Variants in ABI3BP observed in about 807,000 individuals in gnomAD.
The protein encoded by ABI3BP is ABI family member 3 binding protein, also known as target of Nesh-SH3.
ABI3BP carries 216 observed loss-of-function variants against 268.6 expected under a neutral mutation model. That is an observed-to-expected ratio of 0.80 (90% CI 0.72 to 0.90). The LOEUF is 0.90. Among genes scored for constraint, ABI3BP ranks in the 40% least tolerant of loss-of-function variants. ABI3BP has a pLI of 0.00. For synonymous variants in ABI3BP, 730 were observed against 730.0 expected, an observed-to-expected ratio of 1.00 and a Z score of 0.00; for missense variants, 2,090 against 2,182.4, an observed-to-expected ratio of 0.96 and a Z score of 0.84.
At chr3:100,926,250 C>G (rs918755655) in intron 2 of ABI3BP, 52 bp downstream of exon 2, 17 of 1,571,476 alleles carry the variant, frequency 1.1e-5, no homozygotes, top group South Asian at 5.7e-5. Flanking sequence ...CATGTTACAC[C>G]CCCCCACCTC....
At chr3:100,888,081 C>T (rs1037814663) in intron 4 of ABI3BP, among the ~76,000 whole-genome samples, 2 of 152,008 alleles carry the variant, frequency 1.3e-5, no homozygotes, top group African/African-American at 4.8e-5. Context: ...AGCCTACTTT[C>T]TTACTAGGCA....
intron 1 of ABI3BP, among the ~76,000 whole-genome samples, chr3:100,959,149 G>C (rs565047231): frequency 5.6e-4 from 85 of 152,276 alleles, no homozygotes; most frequent in African/African-American, 2.0e-3. Context: ...ACCTTCCACA[G>C]AGAGTGAGAA....
chr3:100,820,205 G>A lies in ABI3BP; in HGVS notation c.3031+15C>T. ...CAGCTAGGATGAGCTACTTTAACCA[G>A]AAACCCAAATTTACCCAGTTTGGTT... is the stretch of plus-strand genomic sequence containing the variant. On this transcript the variant is annotated intron_variant, in intron 40 of 67. Coordinates refer to ENST00000471714, the MANE Select transcript of ABI3BP (RefSeq NM_001375547.2). 2 of 1,533,656 alleles carry A rather than the reference G, an allele frequency of 1.3e-6. No homozygotes were observed. Among genetic ancestry groups the A allele is most frequent in the African/African-American group, 1.4e-5 (1 of 73,068 alleles).
chr3:100,833,040 T>C (rs1324013529), intron 30 of ABI3BP, 85 bp downstream of exon 30: 2 of 1,152,158 alleles, frequency 1.7e-6, no homozygotes, highest in Non-Finnish European at 2.4e-6. Context: ...CAACAAAAGA[T>C]GGTACAATAG....
rs570948827 is a variant in ABI3BP, at chr3:100,764,455, C to G, written c.4850+1386G>C. ...AATGCAAATGCAAACCTTTTACAAA[C>G]AAATTGGGTTTAAAATGATACTGAA... is the stretch of plus-strand genomic sequence containing the variant. On this transcript the variant is annotated intron_variant, in intron 63 of 67. Transcript: ENST00000471714. Among the ~76,000 whole-genome samples the G allele has an allele frequency of 1.4e-4, 21 of 152,260 alleles. No homozygotes were observed. In the South Asian group the frequency reaches 3.7e-3, roughly 27 times the overall value.
chr3:100,902,151 A>G (rs916947627), intron 3 of ABI3BP, among the ~76,000 whole-genome samples: 1 of 152,218 alleles, frequency 6.6e-6, no homozygotes, highest in African/African-American at 2.4e-5. Flanking sequence ...TACATGAATT[A>G]TCCTTTTAAA....
chr3:100,914,523 G>A (rs1396046335), intron 2 of ABI3BP: 1 of 437,920 alleles, frequency 2.3e-6, no homozygotes, highest in Non-Finnish European at 4.6e-6. Flanking sequence ...GGCCTGTTCT[G>A]AAGGGAGCTC....
intron 9 of ABI3BP, among the ~76,000 whole-genome samples, chr3:100,871,392 C>G (rs186675178): frequency 3.3e-5 from 5 of 152,236 alleles, no homozygotes; most frequent in Admixed American, 3.3e-4. Context: ...TTTGATTTAT[C>G]AGACATTTTC....
Position 100,838,272 on chromosome 3 carries a change from G to T in ABI3BP, c.2021C>A (p.Pro674Gln). 1 of 1,536,432 alleles carries T rather than the reference G, an allele frequency of 6.5e-7. No individual in the cohort carries two copies. Among genetic ancestry groups the T allele is most frequent in the Non-Finnish European group, 8.7e-7 (1 of 1,146,828 alleles). The change falls in exon 26 of 68, where the codon CCA (proline) becomes CAA (glutamine). Residue 674 changes from proline to glutamine, a missense_variant. Physicochemically the swap from Pro to Gln is moderately conservative, Grantham distance 76. Coordinates refer to ENST00000471714, the MANE Select transcript of ABI3BP (RefSeq NM_001375547.2). ...TTGGGGTTTAGGAAGTAATTGTTTT[G>T]GTGGTTTTGAACCTGAAGAAAATTA... ...APQIQPGSKP[P>Q]KQLLPKPQTT...
intron 21 of ABI3BP, among the ~76,000 whole-genome samples, chr3:100,841,194 CTTTTTTTTTTTT>C (rs60261694): frequency 1.8e-3 from 72 of 39,622 alleles, no homozygotes; most frequent in Non-Finnish European, 2.4e-3. Flanking sequence ...CATTAGAACA[CTTTTTTTTTTTT>C]TTTTTTTTTT....
Position 100,973,561 on chromosome 3 carries a change from A to G in ABI3BP, c.79+19745T>C, listed in dbSNP as rs535234242. ...GAGGAGTTTTGTTTCCAATCCAGTG[A>G]TCATTTTTCTGCTTCATTCCTTCTT... On this transcript the variant is annotated intron_variant, in intron 1 of 67. Transcript: ENST00000471714. Among the ~76,000 whole-genome samples the G allele has an allele frequency of 1.2e-4, 19 of 152,270 alleles. No homozygotes were observed. The South Asian group carries it at 3.9e-3, about 32-fold the overall frequency.
At chr3:100,975,749 G>A (rs2085854907) in intron 1 of ABI3BP, among the ~76,000 whole-genome samples, 1 of 152,124 alleles carries the variant, frequency 6.6e-6, no homozygotes, top group African/African-American at 2.4e-5. Flanking sequence ...CTGAGTGAAA[G>A]CAAGAGACCA....
chr3:100,847,461 C>T, intron 19 of ABI3BP, 141 bp downstream of exon 19: 3 of 717,814 alleles, frequency 4.2e-6, no homozygotes, highest in Non-Finnish European at 7.2e-6. Context: ...GGAGCTGGTG[C>T]ACTCTCTGAG....
intron 1 of ABI3BP, among the ~76,000 whole-genome samples, chr3:100,993,057 G>A (rs903651537): frequency 6.6e-5 from 10 of 152,168 alleles, no homozygotes; most frequent in African/African-American, 2.2e-4. Context: ...TACAGTTCAA[G>A]CTCTGATGAA....
chr3:100,816,989 C>G (rs2098071863), intron 42 of ABI3BP, among the ~76,000 whole-genome samples: 1 of 152,098 alleles, frequency 6.6e-6, no homozygotes, highest in South Asian at 2.1e-4. Context: ...ACATCTTTAA[C>G]TTCAGAAACA....
chr3:100,828,352 A>G lies in ABI3BP; in HGVS notation c.2602+41T>C, dbSNP rs967583663. 1.9e-5 allele frequency: 29 copies of G among 1,493,170 alleles called. No homozygotes were observed. The Admixed American group carries it at 4.0e-4, about 20-fold the overall frequency. The allele number at this position is 1,493,170 out of a possible 1,614,324, so 92.5% of individuals were successfully genotyped here. On this transcript the variant is annotated intron_variant, in intron 34 of 67. Transcript: ENST00000471714. ...ATACAGTGGAATAAGCTTGACAGTGAGCAGAAAAAGCACTTGCTGAAGATC... is the reference window on the plus strand; with the variant it reads ...ATACAGTGGAATAAGCTTGACAGTGGGCAGAAAAAGCACTTGCTGAAGATC...
intron 20 of ABI3BP, among the ~76,000 whole-genome samples, chr3:100,845,438 CA>C (rs1230380392): frequency 6.6e-6 from 1 of 152,140 alleles, no homozygotes; most frequent in Non-Finnish European, 1.5e-5. Flanking sequence ...TGCTTCTTTA[CA>C]GGGAGTAATG....
intron 27 of ABI3BP, 47 bp downstream of exon 27, chr3:100,837,077 C>A (rs972747785): frequency 6.1e-6 from 9 of 1,469,590 alleles, no homozygotes. Flanking sequence ...AGATGAGAGG[C>A]GCAAGCTCAG....
intron 14 of ABI3BP, among the ~76,000 whole-genome samples, chr3:100,855,342 C>A: frequency 6.6e-6 from 1 of 152,216 alleles, no homozygotes; most frequent in East Asian, 1.9e-4. Context: ...GGCATACAGG[C>A]AAACCATTGC....
Sources: allele counts gnomAD v4.1 joint callset (sites outside exome capture counted in the v4.1 genomes callset), GRCh38; gene constraint gnomAD v4.1.1; transcripts MANE v1.5; gene names NCBI Gene and HGNC (gene_info 2026-07-23, HGNC 2026-07-21).